Variants in IGSF22 observed in about 807,000 individuals in gnomAD.
IGSF22 encodes immunoglobulin superfamily, member 22.
A neutral mutation model predicts 127.0 loss-of-function variants in IGSF22; 119 were observed. The ratio of observed to expected loss-of-function variants is 0.94; its 90% CI spans 0.81 to 1.09. IGSF22 has a LOEUF of 1.09. Among genes scored for constraint, IGSF22 ranks in the 50% least tolerant of loss-of-function variants. The pLI, the probability that IGSF22 is intolerant of heterozygous loss-of-function variation, is 0.00. For synonymous variants in IGSF22, 568 were observed against 664.7 expected (o/e 0.85, Z 2.24); for missense variants, 1,518 against 1,716.6 (o/e 0.88, Z 2.04).
In IGSF22 at chr11:18,707,064, T is replaced by TG. The variant is rs1431997211; in HGVS notation, c.3429dup (p.Thr1144HisfsTer31). 6.4e-7 allele frequency: 1 copy of TG among 1,551,590 alleles called. No individual in the cohort carries two copies. The highest frequency in any genetic ancestry group is 8.7e-7 in the Non-Finnish European group (1 of 1,146,994). ...TTGCTGAAGACACGCTCGGCTGCCGTGTACCAGGTGGCTGTGCTTGCATCC... is the reference window on the plus strand; with the variant it reads ...TTGCTGAAGACACGCTCGGCTGCCGTGGTACCAGGTGGCTGTGCTTGCATCC... On this transcript the variant is annotated frameshift_variant, in exon 21 of 23. Coordinates refer to ENST00000513874, the MANE Select transcript of IGSF22 (RefSeq NM_173588.4). LOFTEE classifies it high-confidence loss of function.
In IGSF22 at chr11:18,715,550, C is replaced by T. The variant is rs1848447794; in HGVS notation, c.1413G>A (p.Lys471=). ...CATCCTCAATGATCAGCTCTGCTCG[C>T]TTGCCCTCATGGTTCATGCTGTACT... ...GTKYSMNHEG[K]RAELIIEDAQ... Residue 471 remains lysine (K), a synonymous_variant, in exon 11 of 23, where the codon AAG becomes AAA. Coordinates refer to ENST00000513874, the MANE Select transcript of IGSF22 (RefSeq NM_173588.4). The T allele has an allele frequency of 6.2e-7, 1 of 1,614,084 alleles. No individual in the cohort carries two copies. The highest frequency in any genetic ancestry group is 8.5e-7 in the Non-Finnish European group (1 of 1,180,010).
At position 18,709,967 on chromosome 11, in the gene IGSF22, C is replaced by A. The variant is rs1348946106; in HGVS notation, c.2702-284G>T. On this transcript the variant is annotated intron_variant, in intron 17 of 22. Transcript: ENST00000513874. This position sits in a 1 kb window ranked among gnomAD's most constrained non-coding sequence, Gnocchi z 4.8. Reference sequence around the variant, plus strand: ...TCAAAACCCCAGCCTTTAACCCAACCATCTCCACCACATCCACTTCCAGGC... The same window carrying A: ...TCAAAACCCCAGCCTTTAACCCAACAATCTCCACCACATCCACTTCCAGGC... Among the ~76,000 whole-genome samples, 1 of 152,154 alleles carries A rather than the reference C, an allele frequency of 6.6e-6. No individual in the cohort carries two copies. The highest frequency in any genetic ancestry group is 2.4e-5 in the African/African-American group (1 of 41,424).
rs753814583 is a variant in IGSF22, at chr11:18,714,625, C to G, written c.1532-1G>C. 40 of 1,613,738 alleles carry G rather than the reference C, an allele frequency of 2.5e-5. No individual in the cohort carries two copies. Among genetic ancestry groups the G allele is most frequent in the Non-Finnish European group, 3.2e-5 (38 of 1,180,052 alleles). Reference sequence around the variant, plus strand: ...CCGCTCTTCACTGTGGCCAGACGCTCTGGGGAGAAAGGTGGGCAAGGGACT... The same window carrying G: ...CCGCTCTTCACTGTGGCCAGACGCTGTGGGGAGAAAGGTGGGCAAGGGACT... On this transcript the variant is annotated splice_acceptor_variant, in intron 11 of 22. Transcript: ENST00000513874. LOFTEE classifies it high-confidence loss of function.
At chr11:18,717,656 C>T (rs1564874051) in intron 9 of IGSF22, among the ~76,000 whole-genome samples, 1 of 152,112 alleles carries the variant, frequency 6.6e-6, no homozygotes, top group Non-Finnish European at 1.5e-5. Context: ...CCTCAGCCTC[C>T]CAAAGTGCTG....
intron 4 of IGSF22, 45 bp from the exon 5 acceptor site, chr11:18,720,330 C>A: frequency 6.7e-7 from 1 of 1,496,524 alleles, no homozygotes; most frequent in Non-Finnish European, 9.3e-7. Context: ...AAAGGAACCA[C>A]AGGGAGACTT....
Position 18,706,749 on chromosome 11 carries a change from A to G in IGSF22, c.3580+165T>C, listed in dbSNP as rs1848243692. On this transcript the variant is annotated intron_variant, in intron 21 of 22. Coordinates refer to ENST00000513874, the MANE Select transcript of IGSF22 (RefSeq NM_173588.4). Reference sequence around the variant, plus strand: ...TTTAGTCTCACCCCTAAGTACCCCGAAGAAAGCCAATATTTCCTTCTCTCC... The same window carrying G: ...TTTAGTCTCACCCCTAAGTACCCCGGAGAAAGCCAATATTTCCTTCTCTCC... 6.5e-6 allele frequency: 4 copies of G among 612,352 alleles called. 1 individual carries two copies. In the South Asian group the frequency reaches 1.0e-4, roughly 16 times the overall value. The allele number at this position is 612,352 out of a possible 1,614,324, so 37.9% of individuals were successfully genotyped here.
Position 18,716,510 on chromosome 11 carries a change from C to T in IGSF22, c.1246+218G>A, listed in dbSNP as rs746340104. Among the ~76,000 whole-genome samples, 3 of 152,116 alleles carry T rather than the reference C, an allele frequency of 2.0e-5. No individual in the cohort carries two copies. Among genetic ancestry groups the T allele is most frequent in the East Asian group, 1.9e-4 (1 of 5,190 alleles). ...TAATAAGACCCAGTGTGTCTTGACT[C>T]GTGGAATAATAACTGCTATTCTAAT... On this transcript the variant is annotated intron_variant, in intron 10 of 22. Transcript: ENST00000513874. This position sits in a 1 kb window ranked among gnomAD's most constrained non-coding sequence, Gnocchi z 4.5.
chr11:18,712,392 C>CGGTCTGA lies in IGSF22; in HGVS notation c.2096-9_2096-8insTCAGACC, dbSNP rs1416762344. 4.5e-6 allele frequency: 7 copies of CGGTCTGA among 1,543,522 alleles called. No individual in the cohort carries two copies. Among genetic ancestry groups the CGGTCTGA allele is most frequent in the Non-Finnish European group, 5.3e-6 (6 of 1,141,904 alleles). The stretch of plus-strand genomic sequence containing the variant: ...GTGGAGGCTTTGGACGGTCTGGGGA[C>CGGTCTGA]AGAGAACAGCTTCAGAATGGGGCTT... On this transcript the variant is annotated splice_polypyrimidine_tract_variant and intron_variant, in intron 14 of 22. Coordinates refer to ENST00000513874, the MANE Select transcript of IGSF22 (RefSeq NM_173588.4).
At chr11:18,725,079 A>G (rs1848630987) in intron 1 of IGSF22, among the ~76,000 whole-genome samples, 1 of 151,534 alleles carries the variant, frequency 6.6e-6, no homozygotes, top group Non-Finnish European at 1.5e-5. Flanking sequence ...TTTTTCATTT[A>G]ATGTGTCTTG....
chr11:18,708,800 G>A (rs1848295984), intron 18 of IGSF22, among the ~76,000 whole-genome samples: 1 of 152,228 alleles, frequency 6.6e-6, no homozygotes, highest in African/African-American at 2.4e-5. Context: ...TTCTGCTAAG[G>A]TGTAGACATA....
intron 9 of IGSF22, 96 bp from the exon 10 acceptor site, chr11:18,717,096 C>A: frequency 7.2e-7 from 1 of 1,389,064 alleles, no homozygotes; most frequent in South Asian, 1.4e-5. Context: ...CCTCCTGTAG[C>A]CCATGGCTGG....
At chr11:18,710,235 C>G (rs1377812028) in intron 17 of IGSF22, 92 bp downstream of exon 17, 43 of 1,523,998 alleles carry the variant, frequency 2.8e-5, no homozygotes, top group African/African-American at 6.8e-5. Flanking sequence ...ACTGTGATAC[C>G]TCGTGTCATA....
chr11:18,712,439 C>A, intron 14 of IGSF22, 55 bp from the exon 15 acceptor site: 1 of 1,457,056 alleles, frequency 6.9e-7, no homozygotes, highest in Non-Finnish European at 9.2e-7. Context: ...ATCAGAAGGG[C>A]CTCCTCCCAC....
intron 4 of IGSF22, among the ~76,000 whole-genome samples, chr11:18,720,726 G>C (rs1437367096): frequency 6.6e-6 from 1 of 152,216 alleles, no homozygotes; most frequent in African/African-American, 2.4e-5. Context: ...AAGCCTGCTA[G>C]GCTCTCAGAA....
chr11:18,718,161 C>T (rs1848497594), intron 8 of IGSF22, 68 bp from the exon 9 acceptor site: 2 of 1,486,842 alleles, frequency 1.3e-6, no homozygotes, highest in African/African-American at 2.8e-5. Flanking sequence ...GGTCTCCATT[C>T]CCCAGCGCCA....
chr11:18,715,712 G>A lies in IGSF22; in HGVS notation c.1251C>T (p.Ile417=). The A allele has an allele frequency of 6.2e-7, 1 of 1,608,958 alleles. No homozygotes were observed. The highest frequency in any genetic ancestry group is 1.1e-5 in the South Asian group (1 of 90,936). Residue 417 remains isoleucine, a synonymous_variant, in exon 11 of 23, where the codon ATC becomes ATT. Coordinates refer to ENST00000513874, the MANE Select transcript of IGSF22 (RefSeq NM_173588.4). ...VQKAQLTVDR[I]PIKFVSNLKN... ...TGAGGTTGCTCACAAACTTGATGGG[G>A]ATGCCTGTGGACAGACAGACACTTG... is the stretch of plus-strand genomic sequence containing the variant.
At chr11:18,717,061 G>A in intron 9 of IGSF22, 61 bp from the exon 10 acceptor site, 2 of 1,558,426 alleles carry the variant, frequency 1.3e-6, no homozygotes, top group Non-Finnish European at 1.8e-6. Flanking sequence ...GTGGAGTGGT[G>A]AAGAGGGCAC....
In IGSF22 at chr11:18,721,914, G is replaced by C; in HGVS notation, c.237C>G (p.Pro79=). The C allele has an allele frequency of 6.2e-7, 1 of 1,612,970 alleles. No individual in the cohort carries two copies. The highest frequency in any genetic ancestry group is 8.5e-7 in the Non-Finnish European group (1 of 1,180,038). ...FVEKPQPVTA[P]EGDKAVFRAR... is the part of the protein sequence containing the mutation. Reference sequence around the variant, plus strand: ...GAGCCACAGGCAGCAACACACCCTCGGGCGCGGTGACCGGTTGAGGCTTCT... The same window carrying C: ...GAGCCACAGGCAGCAACACACCCTCCGGCGCGGTGACCGGTTGAGGCTTCT... Residue 79 remains proline, a synonymous_variant, in exon 3 of 23, where the codon CCC becomes CCG. Transcript: ENST00000513874.
chr11:18,715,554 C>T lies in IGSF22; in HGVS notation c.1409G>A (p.Gly470Asp), dbSNP rs552029026. The change falls in exon 11 of 23, where the codon GGC (glycine) becomes GAC (aspartate). Residue 470 changes from glycine to aspartate, a missense_variant. Gly to Asp is a moderately conservative substitution (Grantham distance 94, BLOSUM62 -1). Coordinates refer to ENST00000513874, the MANE Select transcript of IGSF22 (RefSeq NM_173588.4). The part of the protein sequence containing the change: ...HGTKYSMNHE[G>D]KRAELIIEDA... ...CTCAATGATCAGCTCTGCTCGCTTGCCCTCATGGTTCATGCTGTACTTAGT... is the reference window on the plus strand; with the variant it reads ...CTCAATGATCAGCTCTGCTCGCTTGTCCTCATGGTTCATGCTGTACTTAGT... 29 of 1,614,054 alleles carry T rather than the reference C, an allele frequency of 1.8e-5. No homozygotes were observed. The highest frequency in any genetic ancestry group is 2.3e-5 in the Non-Finnish European group (27 of 1,180,000).
Sources: allele counts gnomAD v4.1 joint callset (sites outside exome capture counted in the v4.1 genomes callset), GRCh38; gene constraint gnomAD v4.1.1; non-coding constraint Gnocchi (gnomAD v3.1); transcripts MANE v1.5; gene names NCBI Gene and HGNC (gene_info 2026-07-23, HGNC 2026-07-21).